Variants in DSCAM observed in about 807,000 individuals in gnomAD.
The protein encoded by DSCAM is cell adhesion molecule DSCAM.
In DSCAM, 47 loss-of-function variants were observed where a neutral mutation model predicts 217.7. The ratio of observed to expected loss-of-function variants is 0.22; its 90% CI spans 0.17 to 0.28. DSCAM has a LOEUF of 0.28. Ranked by LOEUF, DSCAM falls within the 10% of genes least tolerant of loss-of-function variation. The pLI is 1.00. For missense variants in DSCAM, 2,080 were observed against 2,618.3 expected, an observed-to-expected ratio of 0.79 and a Z score of 4.49; for synonymous variants, 1,056 against 1,015.3, an observed-to-expected ratio of 1.04 and a Z score of -0.76.
chr21:40,335,958 C>T (rs528949868), intron 8 of DSCAM, among the ~76,000 whole-genome samples: 9 of 152,200 alleles, frequency 5.9e-5, no homozygotes, highest in East Asian at 1.9e-4. Context: ...TACTGTTTAC[C>T]GATGCATACT....
chr21:40,114,044 T>C (rs111405615), intron 20 of DSCAM, among the ~76,000 whole-genome samples: 52 of 151,244 alleles, frequency 3.4e-4, no homozygotes, highest in Admixed American at 9.2e-4. Context: ...ACTTTCTTCA[T>C]AGAATTGGAA....
intron 3 of DSCAM, among the ~76,000 whole-genome samples, chr21:40,450,633 G>A (rs1484499834): frequency 6.6e-6 from 1 of 152,186 alleles, no homozygotes; most frequent in Non-Finnish European, 1.5e-5. Context: ...GCTTGCAAAT[G>A]TTTGAGATTT....
chr21:40,568,181 A>G (rs1000013717), intron 3 of DSCAM, among the ~76,000 whole-genome samples: 8 of 152,198 alleles, frequency 5.3e-5, no homozygotes, highest in Admixed American at 2.6e-4. Context: ...TTCTTTTCTA[A>G]GTCACAACAT....
intron 11 of DSCAM, among the ~76,000 whole-genome samples, chr21:40,250,196 C>T (rs866660719): frequency 6.6e-6 from 1 of 152,126 alleles, no homozygotes; most frequent in Non-Finnish European, 1.5e-5. Context: ...CAGCCTCTGT[C>T]GCAAGCTTAA....
At chr21:40,534,224 C>A (rs1049673422) in intron 3 of DSCAM, among the ~76,000 whole-genome samples, 3 of 152,046 alleles carry the variant, frequency 2.0e-5, no homozygotes, top group African/African-American at 4.8e-5. Context: ...AATTTGACCC[C>A]AGGTGGCAAA....
rs529089081 is a variant in DSCAM at position 40,550,692 on chromosome 21, G to C, written c.508+142118C>G. ...AGTAGCTATTAAAAGAAAAACTTTA[G>C]ACAAATTTAACAGAGTTTAATTGAG... On this transcript the variant is annotated intron_variant, in intron 3 of 32. Transcript: ENST00000400454. 1.5e-3 allele frequency among the ~76,000 whole-genome samples: 232 copies of C among 152,258 alleles called. 3 individuals carry two copies. Among genetic ancestry groups the C allele is most frequent in the Non-Finnish European group, 1.8e-3 (125 of 68,022 alleles).
chr21:40,076,478 C>T (rs761210679), intron 26 of DSCAM, among the ~76,000 whole-genome samples: 1 of 152,196 alleles, frequency 6.6e-6, no homozygotes, highest in Admixed American at 6.5e-5. Context: ...GCTATCCATT[C>T]ATGAGACTGG....
At chr21:40,842,598 A>G (rs565178610) in intron 1 of DSCAM, among the ~76,000 whole-genome samples, 217 of 152,104 alleles carry the variant, frequency 1.4e-3, no homozygotes, top group Non-Finnish European at 2.3e-3. Context: ...CCCTCTCTCA[A>G]TCAAGTTTTA....
intron 1 of DSCAM, among the ~76,000 whole-genome samples, chr21:40,810,742 T>G (rs1012923116): frequency 4.6e-5 from 7 of 151,982 alleles, no homozygotes; most frequent in Non-Finnish European, 8.8e-5. Flanking sequence ...CTCTACAAAA[T>G]AAAAATTAAA....
At chr21:40,732,608 T>C (rs1038058838) in intron 1 of DSCAM, among the ~76,000 whole-genome samples, 1 of 152,226 alleles carries the variant, frequency 6.6e-6, no homozygotes, top group Non-Finnish European at 1.5e-5. Flanking sequence ...ATACAATTAT[T>C]GAGGCAATTT....
At chr21:40,591,576 A>C (rs73366991) in intron 3 of DSCAM, among the ~76,000 whole-genome samples, 7,460 of 152,298 alleles carry the variant, frequency 0.049, 543 homozygotes, top group African/African-American at 0.16. Context: ...ATTGTGTGGA[A>C]TAGAAAGTGT....
Position 40,397,824 on chromosome 21 carries a change from TATC to T in DSCAM, c.509-28582_509-28580del, listed in dbSNP as rs918622670. Among the ~76,000 whole-genome samples the T allele has an allele frequency of 2.0e-4, 31 of 152,048 alleles. No individual in the cohort carries two copies. The Middle Eastern group carries it at 0.01, about 50-fold the overall frequency. ...TTACCAATACTGCTACCACCCCTACTATCATCACTACTACCACTAATACTACCA... is the reference window on the plus strand; with the variant it reads ...TTACCAATACTGCTACCACCCCTACTATCACTACTACCACTAATACTACCA... On this transcript the variant is annotated intron_variant, in intron 3 of 32. Transcript: ENST00000400454.
chr21:40,507,175 G>A (rs1461150571), intron 3 of DSCAM, among the ~76,000 whole-genome samples: 3 of 152,166 alleles, frequency 2.0e-5, no homozygotes, highest in Non-Finnish European at 4.4e-5. Context: ...TACTCGGGAA[G>A]CTGAGGCAGG....
chr21:40,772,737 G>T (rs2091456637), intron 1 of DSCAM, among the ~76,000 whole-genome samples: 1 of 152,224 alleles, frequency 6.6e-6, no homozygotes, highest in Non-Finnish European at 1.5e-5. Flanking sequence ...CTGCTGTGCT[G>T]TGCAACGTGG....
At chr21:40,811,488 T>C (rs2091838332) in intron 1 of DSCAM, among the ~76,000 whole-genome samples, 1 of 152,186 alleles carries the variant, frequency 6.6e-6, no homozygotes, top group African/African-American at 2.4e-5. Context: ...GAAAAGAAAG[T>C]GTGTTCTAAA....
At chr21:40,743,190 G>A (rs964900976) in intron 1 of DSCAM, among the ~76,000 whole-genome samples, 5 of 152,084 alleles carry the variant, frequency 3.3e-5, no homozygotes, top group Non-Finnish European at 5.9e-5. Flanking sequence ...TTTTATTGAC[G>A]GCAACTAGCA....
chr21:40,612,660 G>A (rs1601788469), intron 3 of DSCAM, among the ~76,000 whole-genome samples: 1 of 152,176 alleles, frequency 6.6e-6, no homozygotes, highest in South Asian at 2.1e-4. Context: ...GGGGATGTTT[G>A]TTATACAGCA....
chr21:40,827,481 AAAAAAGAAAAG>A (rs1333768575), intron 1 of DSCAM, among the ~76,000 whole-genome samples: 4 of 134,332 alleles, frequency 3.0e-5, no homozygotes, highest in African/African-American at 8.0e-5. Flanking sequence ...AAAAAAAAAA[AAAAAAGAAAAG>A]AAAGAAAGAA....
chr21:40,178,859 AGC>A, intron 15 of DSCAM, 66 bp downstream of exon 15: 13 of 1,593,824 alleles, frequency 8.2e-6, no homozygotes, highest in Non-Finnish European at 1.1e-5. Context: ...TCTGCATTTA[AGC>A]ATCTGAGCCC....
Sources: allele counts gnomAD v4.1 joint callset (sites outside exome capture counted in the v4.1 genomes callset), GRCh38; gene constraint gnomAD v4.1.1; transcripts MANE v1.5; gene names NCBI Gene and HGNC (gene_info 2026-07-23, HGNC 2026-07-21).